The following BCL11B variants were observed in gnomAD, a reference collection of about 807,000 sequenced individuals.
BCL11B encodes BCL11 transcription factor B, also known as B-cell lymphoma/leukemia 11B.
A neutral mutation model predicts 49.9 loss-of-function variants in BCL11B; 8 were observed. The ratio of observed to expected loss-of-function variants is 0.16; its 90% CI spans 0.09 to 0.29. The LOEUF (loss-of-function observed/expected upper bound fraction) is 0.29, where lower values mean the gene tolerates loss of function less well. Among genes scored for constraint, BCL11B ranks in the 10% least tolerant of loss-of-function variants. The pLI is 1.00. For synonymous variants in BCL11B, 739 were observed against 637.4 expected, an observed-to-expected ratio of 1.16 and a Z score of -2.40; for missense variants, 1,006 against 1,351.0, an observed-to-expected ratio of 0.74 and a Z score of 4.00.
In BCL11B at chr14:99,172,114, C is replaced by T. The variant is rs951635145; in HGVS notation, c.*2037G>A. Reference sequence around the variant, plus strand: ...CCTTGTATGTACCCAATACTGTAAACGTATTTTTAAGACAGAGTGCACTAA... The same window carrying T: ...CCTTGTATGTACCCAATACTGTAAATGTATTTTTAAGACAGAGTGCACTAA... On this transcript the variant is annotated 3_prime_UTR_variant, in exon 4 of 4. Transcript: ENST00000357195. 1 of 219,072 alleles carries T rather than the reference C, an allele frequency of 4.6e-6. No individual in the cohort carries two copies. The highest frequency in any genetic ancestry group is 9.2e-6 in the Non-Finnish European group (1 of 109,158). The allele number at this position is 219,072 out of a possible 1,614,324, so 13.6% of individuals were successfully genotyped here.
rs1887519852 is a variant in BCL11B, at chr14:99,205,868, A to T, written c.640+25477T>A. Reference sequence around the variant, plus strand: ...CTCCCACCAAGGTCTTCCAGCAAAGATCTCTCATTGCAGAATCAAGTTGTT... The same window carrying T: ...CTCCCACCAAGGTCTTCCAGCAAAGTTCTCTCATTGCAGAATCAAGTTGTT... On this transcript the variant is annotated intron_variant, in intron 3 of 3. Coordinates refer to ENST00000357195, the MANE Select transcript of BCL11B (RefSeq NM_138576.4). The surrounding 1 kb of genome is among the most constrained non-coding windows in gnomAD (Gnocchi z 5.0). 6.6e-6 allele frequency among the ~76,000 whole-genome samples: 1 copy of T among 152,178 alleles called. No individual in the cohort carries two copies. Among genetic ancestry groups the T allele is most frequent in the African/African-American group, 2.4e-5 (1 of 41,442 alleles).
At chr14:99,207,305 AG>A (rs1301542493) in intron 3 of BCL11B, among the ~76,000 whole-genome samples, 1 of 152,184 alleles carries the variant, frequency 6.6e-6, no homozygotes, top group Non-Finnish European at 1.5e-5. Context: ...GCTCCAGCTC[AG>A]GGGGCCCCCT....
At chr14:99,191,861 A>G (rs576798830) in intron 3 of BCL11B, among the ~76,000 whole-genome samples, 9 of 152,198 alleles carry the variant, frequency 5.9e-5, no homozygotes, top group Non-Finnish European at 1.2e-4. Context: ...AAACAAATAT[A>G]TACTTCCTGA....
At chr14:99,259,681 T>A (rs1361094638) in intron 1 of BCL11B, among the ~76,000 whole-genome samples, 2 of 152,142 alleles carry the variant, frequency 1.3e-5, no homozygotes, top group Non-Finnish European at 2.9e-5. Context: ...ACCTACAAGG[T>A]AAAGAAACAG....
intron 1 of BCL11B, among the ~76,000 whole-genome samples, chr14:99,269,144 C>T (rs1436581315): frequency 7.0e-6 from 1 of 142,836 alleles, no homozygotes; most frequent in East Asian, 2.5e-4. Flanking sequence ...CCCATCCACT[C>T]CCCCTTCCCC....
chr14:99,262,952 G>T lies in BCL11B; in HGVS notation c.59-5113C>A, dbSNP rs1304573447. On this transcript the variant is annotated intron_variant, in intron 1 of 3. Transcript: ENST00000357195. The surrounding 1 kb of genome is among the most constrained non-coding windows in gnomAD (Gnocchi z 4.2). ...GATGACGCTTAAAGGCACGACAAGA[G>T]ATTTTATGAAGTTCCCCTAACGGAG... is the stretch of plus-strand genomic sequence containing the variant. 1 of 152,218 alleles carries T rather than the reference G, an allele frequency of 6.6e-6. No homozygotes were observed. Among genetic ancestry groups the T allele is most frequent in the Non-Finnish European group, 1.5e-5 (1 of 68,044 alleles). The allele number at this position is 152,218 out of a possible 1,614,324, so 9.4% of individuals were successfully genotyped here. A position where few individuals can be genotyped will look rare whatever the true frequency, so the allele number is the denominator to read the frequency against.
In BCL11B at chr14:99,231,243, G is replaced by T. The variant is rs1380177386; in HGVS notation, c.640+102C>A. 1 of 1,292,708 alleles carries T rather than the reference G, an allele frequency of 7.7e-7. No individual in the cohort carries two copies. The highest frequency in any genetic ancestry group is 2.5e-5 in the East Asian group (1 of 39,304). 80.1% of individuals were successfully genotyped at this position (1,292,708 alleles called of 1,614,324 possible). A position where few individuals can be genotyped will look rare whatever the true frequency, so the allele number is the denominator to read the frequency against. ...GGCACCCCAAAAAGCCTTCTGGGTG[G>T]GAGCTGCCCTTCCTCCCTGGGTCCC... On this transcript the variant is annotated intron_variant, in intron 3 of 3. Transcript: ENST00000357195. The surrounding 1 kb of genome is among the most constrained non-coding windows in gnomAD (Gnocchi z 8.1).
chr14:99,213,115 A>G lies in BCL11B; in HGVS notation c.640+18230T>C, dbSNP rs944947751. ...TGGGGGACCTACTGCCATCTGCTTA[A>G]AACTCACATGAGCAGACAGACAGGG... On this transcript the variant is annotated intron_variant, in intron 3 of 3. Coordinates refer to ENST00000357195, the MANE Select transcript of BCL11B (RefSeq NM_138576.4). The surrounding 1 kb of genome is among the most constrained non-coding windows in gnomAD (Gnocchi z 5.1). Among the ~76,000 whole-genome samples, 3 of 152,208 alleles carry G rather than the reference A, an allele frequency of 2.0e-5. No homozygotes were observed. Among genetic ancestry groups the G allele is most frequent in the Non-Finnish European group, 4.4e-5 (3 of 68,030 alleles).
intron 2 of BCL11B, among the ~76,000 whole-genome samples, chr14:99,233,712 A>C (rs1888404174): frequency 6.6e-6 from 1 of 152,226 alleles, no homozygotes; most frequent in Non-Finnish European, 1.5e-5. Context: ...GGAAACGTCC[A>C]AGGTGGGGCT....
intron 1 of BCL11B, among the ~76,000 whole-genome samples, chr14:99,261,905 G>A (rs1321620977): frequency 6.6e-6 from 1 of 152,070 alleles, no homozygotes; most frequent in East Asian, 1.9e-4. Context: ...AAACACACGA[G>A]TTAGATTTTC....
In BCL11B at chr14:99,271,776, GA is replaced by G. The variant is rs949985971; in HGVS notation, c.-559del. ...AAAAATAAAAGAAGAAAAAGCAAAGGAAAAAAAAAAGCAAAGAAAACTTGGG... is the reference window on the plus strand; with the variant it reads ...AAAAATAAAAGAAGAAAAAGCAAAGGAAAAAAAAAGCAAAGAAAACTTGGG... On this transcript the variant is annotated 5_prime_UTR_variant, in exon 1 of 4. Transcript: ENST00000357195. Among the ~76,000 whole-genome samples, 39 of 146,276 alleles carry G rather than the reference GA, an allele frequency of 2.7e-4. No homozygotes were observed. Among genetic ancestry groups the G allele is most frequent in the South Asian group, 6.5e-4 (3 of 4,590 alleles).
At chr14:99,196,490 G>A (rs181220209) in intron 3 of BCL11B, among the ~76,000 whole-genome samples, 13 of 151,932 alleles carry the variant, frequency 8.6e-5, no homozygotes, top group East Asian at 1.9e-4. Context: ...AGATAGCTCC[G>A]TGTCCCCAAC....
chr14:99,175,333 G>T lies in BCL11B; in HGVS notation c.1503C>A (p.Gly501=). The change falls in exon 4 of 4, where the codon GGC becomes GGA. Residue 501 remains glycine (G), a synonymous_variant. Coordinates refer to ENST00000357195, the MANE Select transcript of BCL11B (RefSeq NM_138576.4). ...GLSAASSPEP[G]TSELAGEGLK... ...GGCCCTCGCCCGCCAGCTCGCTGGT[G>T]CCGGGCTCGGGGGAGCTGGCGGCCG... The T allele has an allele frequency of 6.4e-7, 1 of 1,550,394 alleles. No homozygotes were observed.
At chr14:99,214,318 C>T (rs967794055) in intron 3 of BCL11B, among the ~76,000 whole-genome samples, 1 of 151,934 alleles carries the variant, frequency 6.6e-6, no homozygotes, top group African/African-American at 2.4e-5. Context: ...TTTGGGAGGC[C>T]GAAGAGAGAG....
Position 99,257,985 on chromosome 14 carries a change from G to A in BCL11B, c.59-146C>T, listed in dbSNP as rs776947941. 1.1e-4 allele frequency: 109 copies of A among 1,037,270 alleles called. No homozygotes were observed. Among genetic ancestry groups the A allele is most frequent in the South Asian group, 3.1e-4 (12 of 39,152 alleles). The allele number at this position is 1,037,270 out of a possible 1,614,324, so 64.3% of individuals were successfully genotyped here. The stretch of plus-strand genomic sequence containing the variant: ...TGCCAGAGCTCACCAGGTCCTCCCC[G>A]GGGTTGGGGGCTGGTGAGCATCCCC... On this transcript the variant is annotated intron_variant, in intron 1 of 3. Transcript: ENST00000357195. This position sits in a 1 kb window ranked among gnomAD's most constrained non-coding sequence, Gnocchi z 6.2.
chr14:99,260,458 A>C, intron 1 of BCL11B, among the ~76,000 whole-genome samples: 1 of 152,136 alleles, frequency 6.6e-6, no homozygotes. Flanking sequence ...GAGTTCTAGC[A>C]AGCCTAAATA....
chr14:99,271,178 T>C lies in BCL11B; in HGVS notation c.41A>G (p.Gln14Arg), dbSNP rs1889668361. ...ACACTTACGGGTGATGAGCTCCCTC[T>C]GGGACAAGTGCTGCGGGTTGCCCTG... The part of the protein sequence containing the change: ...RKQGNPQHLS[Q>R]RELITPEADH... The change falls in exon 1 of 4, where the codon CAG (glutamine) becomes CGG (arginine). Residue 14 changes from glutamine (Q) to arginine (R), a missense_variant. By Grantham distance (43) the Gln-to-Arg change is conservative. Around this residue, in one of 6 missense-constraint regions of BCL11B, gnomAD observed 411 missense variants for 542.2 expected, o/e 0.76. Coordinates refer to ENST00000357195, the MANE Select transcript of BCL11B (RefSeq NM_138576.4). 1.9e-6 allele frequency: 3 copies of C among 1,551,324 alleles called. No homozygotes were observed. Among genetic ancestry groups the C allele is most frequent in the Admixed American group, 1.9e-5 (1 of 52,416 alleles).
chr14:99,262,697 G>A lies in BCL11B; in HGVS notation c.59-4858C>T, dbSNP rs1245236183. Among the ~76,000 whole-genome samples, 1 of 152,158 alleles carries A rather than the reference G, an allele frequency of 6.6e-6. No individual in the cohort carries two copies. Among genetic ancestry groups the A allele is most frequent in the African/African-American group, 2.4e-5 (1 of 41,430 alleles). Reference sequence around the variant, plus strand: ...CCCATGCTTACCCATAATCTACGAAGAGATCTTTTCATCTCCTCTCCGTGA... The same window carrying A: ...CCCATGCTTACCCATAATCTACGAAAAGATCTTTTCATCTCCTCTCCGTGA... On this transcript the variant is annotated intron_variant, in intron 1 of 3. Transcript: ENST00000357195. This position sits in a 1 kb window ranked among gnomAD's most constrained non-coding sequence, Gnocchi z 4.2.
Position 99,205,916 on chromosome 14 carries a change from G to C in BCL11B, c.640+25429C>G, listed in dbSNP as rs1025496679. Among the ~76,000 whole-genome samples, 10 of 152,310 alleles carry C rather than the reference G, an allele frequency of 6.6e-5. No homozygotes were observed. In the East Asian group the frequency reaches 1.9e-3, roughly 29 times the overall value. ...GTTGAAGGAAGGTTAGCTCCAAAGA[G>C]GCAGCCCTTCGTAGCCAGGGGTTGG... On this transcript the variant is annotated intron_variant, in intron 3 of 3. Transcript: ENST00000357195. The surrounding 1 kb of genome is among the most constrained non-coding windows in gnomAD (Gnocchi z 5.0).
Sources: allele counts gnomAD v4.1 joint callset (sites outside exome capture counted in the v4.1 genomes callset), GRCh38; gene constraint gnomAD v4.1.1; regional missense constraint gnomAD v4.1.1; non-coding constraint Gnocchi (gnomAD v3.1); transcripts MANE v1.5; gene names NCBI Gene and HGNC (gene_info 2026-07-23, HGNC 2026-07-21).